The following SAMD5 variants were observed in gnomAD, a reference collection of about 807,000 sequenced individuals.
SAMD5 encodes the protein sterile alpha motif domain-containing protein 5.
A neutral mutation model predicts 11.3 loss-of-function variants in SAMD5; 13 were observed. The observed-to-expected ratio is 1.15, with a 90% confidence interval of 0.75 to 1.83. SAMD5 has a LOEUF of 1.83. SAMD5 is among the 40% of genes most tolerant of loss of function. The pLI is 0.00. For missense variants in SAMD5, 255 were observed against 239.1 expected (o/e 1.07, Z -0.44); for synonymous variants, 129 against 111.3 (o/e 1.16, Z -1.00).
intron 1 of SAMD5, among the ~76,000 whole-genome samples, chr6:147,590,857 A>G (rs576744027): frequency 6.6e-6 from 1 of 152,342 alleles, no homozygotes; most frequent in Non-Finnish European, 1.5e-5. Context: ...GTTTTCCTGT[A>G]AGAAGTAACT....
intron 1 of SAMD5, among the ~76,000 whole-genome samples, chr6:147,691,508 A>G (rs956887738): frequency 6.6e-6 from 1 of 152,204 alleles, no homozygotes; most frequent in Non-Finnish European, 1.5e-5. Flanking sequence ...TAAAAGAGTA[A>G]TGCTTGACTT....
At chr6:147,807,742 C>A in the SAMD5 span, among the ~76,000 whole-genome samples, 6 of 152,130 alleles carry the variant, frequency 3.9e-5, no homozygotes, top group African/African-American at 1.2e-4. Context: ...ATATTTAGAA[C>A]CTTTCGTGTG....
chr6:147,684,687 C>T (rs1790984604), intron 1 of SAMD5, among the ~76,000 whole-genome samples: 1 of 152,118 alleles, frequency 6.6e-6, no homozygotes, highest in Non-Finnish European at 1.5e-5. Context: ...TTTTCATTTT[C>T]CAGATGACTA....
At chr6:147,852,077 A>C in the SAMD5 span, among the ~76,000 whole-genome samples, 1 of 152,162 alleles carries the variant, frequency 6.6e-6, no homozygotes, top group African/African-American at 2.4e-5. Context: ...AAATAAATCT[A>C]TACGTACTGT....
At chr6:147,641,434 C>A (rs1366919823) in intron 1 of SAMD5, among the ~76,000 whole-genome samples, 1 of 152,090 alleles carries the variant, frequency 6.6e-6, no homozygotes, top group East Asian at 1.9e-4. Context: ...ACCTTTTGTA[C>A]CTGGTAAAGT....
the SAMD5 span, among the ~76,000 whole-genome samples, chr6:147,764,679 C>A: frequency 6.6e-6 from 1 of 152,160 alleles, no homozygotes; most frequent in African/African-American, 2.4e-5. Context: ...ATTCTTCAGT[C>A]CTCCCATCTG....
chr6:147,847,640 G>T, the SAMD5 span, among the ~76,000 whole-genome samples: 1 of 152,226 alleles, frequency 6.6e-6, no homozygotes, highest in East Asian at 1.9e-4. Flanking sequence ...ATCACTTGAG[G>T]TCAGGAGTTC....
At chr6:147,917,597 A>C in the SAMD5 span, among the ~76,000 whole-genome samples, 5 of 151,938 alleles carry the variant, frequency 3.3e-5, no homozygotes, top group South Asian at 2.1e-4. Flanking sequence ...TTTTGTTGCC[A>C]TTGCTTTTGG....
the SAMD5 span, among the ~76,000 whole-genome samples, chr6:147,870,755 G>GTCTGGCATTCTTCCCTCATCT: frequency 7.2e-6 from 1 of 139,776 alleles, no homozygotes; most frequent in South Asian, 2.5e-4. Flanking sequence ...AGAGGGGGCA[G>GTCTGGCATTCTTCCCTCATCT]GAAGTCGGGG....
At chr6:147,911,181 A>G in the SAMD5 span, among the ~76,000 whole-genome samples, 1 of 152,206 alleles carries the variant, frequency 6.6e-6, no homozygotes, top group South Asian at 2.1e-4. Flanking sequence ...TAAAGTGTCC[A>G]TAGTGAATGA....
intron 1 of SAMD5, among the ~76,000 whole-genome samples, chr6:147,680,704 A>G (rs1790928747): frequency 6.6e-6 from 1 of 152,066 alleles, no homozygotes; most frequent in Non-Finnish European, 1.5e-5. Context: ...GTTTGCTTAG[A>G]GTTTTTATTA....
intron 1 of SAMD5, among the ~76,000 whole-genome samples, chr6:147,717,411 A>G (rs1791483943): frequency 6.6e-6 from 1 of 152,168 alleles, no homozygotes; most frequent in South Asian, 2.1e-4. Context: ...CTTCTCTGAC[A>G]CTAAGGTGAA....
At chr6:147,948,640 T>C in the SAMD5 span, among the ~76,000 whole-genome samples, 1 of 152,216 alleles carries the variant, frequency 6.6e-6, no homozygotes, top group South Asian at 2.1e-4. Flanking sequence ...TATATCTATA[T>C]CTATATCTGT....
intron 1 of SAMD5, among the ~76,000 whole-genome samples, chr6:147,684,921 A>G (rs1393342806): frequency 6.6e-6 from 1 of 152,222 alleles, no homozygotes; most frequent in East Asian, 1.9e-4. Flanking sequence ...TGAAAAAATT[A>G]GTAAAACTAA....
chr6:147,687,620 T>G (rs528466930), intron 1 of SAMD5, among the ~76,000 whole-genome samples: 72 of 152,322 alleles, frequency 4.7e-4, no homozygotes, highest in African/African-American at 1.7e-3. Context: ...TAATGCAGAC[T>G]TCTGGTCAAG....
chr6:147,951,142 T>C, the SAMD5 span, among the ~76,000 whole-genome samples: 1 of 151,828 alleles, frequency 6.6e-6, no homozygotes, highest in Non-Finnish European at 1.5e-5. Context: ...TGACCCTTTC[T>C]TTTCACCTTT....
the SAMD5 span, among the ~76,000 whole-genome samples, chr6:147,903,578 C>T: frequency 6.6e-6 from 1 of 152,110 alleles, no homozygotes; most frequent in Non-Finnish European, 1.5e-5. Context: ...GAAGCTTAAG[C>T]AGATATTTCT....
At chr6:147,596,341 A>G (rs1789531030) in intron 1 of SAMD5, among the ~76,000 whole-genome samples, 1 of 152,212 alleles carries the variant, frequency 6.6e-6, no homozygotes. Flanking sequence ...CTTATAAAAT[A>G]TTCTCAAGCA....
chr6:147,635,595 A>C (rs533485156), intron 1 of SAMD5, among the ~76,000 whole-genome samples: 15 of 152,088 alleles, frequency 9.9e-5, no homozygotes, highest in South Asian at 4.2e-4. Context: ...TACCCCTTCC[A>C]CTCCCATTGT....
Sources: allele counts gnomAD v4.1 joint callset (sites outside exome capture counted in the v4.1 genomes callset), GRCh38; gene constraint gnomAD v4.1.1; transcripts MANE v1.5; gene names NCBI Gene and HGNC (gene_info 2026-07-23, HGNC 2026-07-21).